The following TAFA1 variants were observed in gnomAD, a reference collection of about 807,000 sequenced individuals.
TAFA1 encodes the protein chemokine-like protein TAFA-1.
A neutral mutation model predicts 18.5 loss-of-function variants in TAFA1; 4 were observed. The observed-to-expected ratio is 0.22, with a 90% CI of 0.11 to 0.49. TAFA1 has a LOEUF of 0.49. Among genes scored for constraint, TAFA1 ranks in the 20% least tolerant of loss-of-function variants. The pLI, the probability that TAFA1 is intolerant of heterozygous loss-of-function variation, is 0.98. For synonymous variants in TAFA1, 56 were observed against 55.2 expected (o/e 1.01, Z -0.06); for missense variants, 147 against 169.0 (o/e 0.87, Z 0.72).
chr3:68,380,433 T>C (rs2069920434), intron 2 of TAFA1, among the ~76,000 whole-genome samples: 1 of 152,128 alleles, frequency 6.6e-6, no homozygotes, highest in Non-Finnish European at 1.5e-5. Context: ...GCACCTGTTG[T>C]TTCCTGACTT....
At chr3:68,478,584 A>G (rs1433112178) in intron 3 of TAFA1, among the ~76,000 whole-genome samples, 1 of 152,204 alleles carries the variant, frequency 6.6e-6, no homozygotes, top group Non-Finnish European at 1.5e-5. Context: ...TTTATTAGCT[A>G]TAAAATATGA....
intron 2 of TAFA1, among the ~76,000 whole-genome samples, chr3:68,408,126 T>G (rs1184463591): frequency 6.6e-6 from 1 of 152,158 alleles, no homozygotes; most frequent in African/African-American, 2.4e-5. Context: ...AATTTGCGAT[T>G]TTTCTTACAT....
chr3:68,046,336 A>T (rs1029198386), intron 2 of TAFA1, among the ~76,000 whole-genome samples: 2 of 152,212 alleles, frequency 1.3e-5, no homozygotes, highest in Admixed American at 1.3e-4. Flanking sequence ...CTTAAAGCAA[A>T]GACATAGTTA....
chr3:68,081,793 G>C (rs2064904483), intron 2 of TAFA1, among the ~76,000 whole-genome samples: 1 of 152,218 alleles, frequency 6.6e-6, no homozygotes, highest in Admixed American at 6.5e-5. Context: ...CCCTAGAGGT[G>C]GAGCCTACAG....
intron 2 of TAFA1, among the ~76,000 whole-genome samples, chr3:68,287,907 T>TGAGG (rs1649938157): frequency 1.9e-5 from 1 of 51,996 alleles, no homozygotes; most frequent in Non-Finnish European, 4.5e-5. Context: ...TTGTTTTTGT[T>TGAGG]GGGGGGTGGG....
chr3:68,269,106 G>T (rs1032377), intron 2 of TAFA1, among the ~76,000 whole-genome samples: 26,549 of 151,972 alleles, frequency 0.17, 2,807 homozygotes, highest in Admixed American at 0.31. Flanking sequence ...ACTGTTTGAG[G>T]CTAATTCTCC....
intron 2 of TAFA1, among the ~76,000 whole-genome samples, chr3:68,074,781 A>T (rs1210020305): frequency 1.3e-5 from 2 of 152,186 alleles, no homozygotes; most frequent in Admixed American, 1.3e-4. Flanking sequence ...TTTTCTTTGG[A>T]TAAATTGCTT....
At chr3:68,250,609 T>C (rs2067176925) in intron 2 of TAFA1, among the ~76,000 whole-genome samples, 2 of 152,134 alleles carry the variant, frequency 1.3e-5, no homozygotes, top group Non-Finnish European at 1.5e-5. Flanking sequence ...CTCAGTCAGC[T>C]AAGAGGTACC....
At chr3:68,241,539 A>C (rs1253771597) in intron 2 of TAFA1, among the ~76,000 whole-genome samples, 6 of 152,178 alleles carry the variant, frequency 3.9e-5, no homozygotes, top group African/African-American at 1.2e-4. Flanking sequence ...ACAGAACACA[A>C]ATCCTGAACT....
intron 3 of TAFA1, among the ~76,000 whole-genome samples, chr3:68,434,537 AT>A (rs1390664955): frequency 1.3e-5 from 2 of 152,000 alleles, no homozygotes; most frequent in African/African-American, 2.4e-5. Flanking sequence ...TTTTTCTTCC[AT>A]TTTGATACAA....
At chr3:68,067,765 T>C (rs544158630) in intron 2 of TAFA1, among the ~76,000 whole-genome samples, 1 of 152,244 alleles carries the variant, frequency 6.6e-6, no homozygotes, top group African/African-American at 2.4e-5. Context: ...CTTTCTTCCC[T>C]CTTTCCTTCA....
At chr3:68,339,818 G>C (rs1057154316) in intron 2 of TAFA1, among the ~76,000 whole-genome samples, 3 of 152,276 alleles carry the variant, frequency 2.0e-5, no homozygotes, top group Non-Finnish European at 4.4e-5. Context: ...CTCTAAAAGA[G>C]AGGGGTGGAG....
chr3:68,370,393 CACAT>C (rs1244813402), intron 2 of TAFA1, among the ~76,000 whole-genome samples: 59 of 89,478 alleles, frequency 6.6e-4, no homozygotes, highest in Non-Finnish European at 1.1e-3. Flanking sequence ...TATATATACA[CACAT>C]ATATATACAC....
At chr3:68,029,962 C>A (rs1364465391) in intron 2 of TAFA1, among the ~76,000 whole-genome samples, 2 of 152,076 alleles carry the variant, frequency 1.3e-5, no homozygotes, top group South Asian at 4.1e-4. Context: ...GGGTAAGAAG[C>A]CTGCTTAGTC....
intron 2 of TAFA1, among the ~76,000 whole-genome samples, chr3:68,089,082 T>A (rs952192944): frequency 1.3e-5 from 2 of 152,032 alleles, no homozygotes; most frequent in African/African-American, 2.4e-5. Flanking sequence ...AATATTTTGG[T>A]TTTGCACGTG....
intron 2 of TAFA1, among the ~76,000 whole-genome samples, chr3:68,369,396 A>C (rs567987906): frequency 6.6e-6 from 1 of 152,356 alleles, no homozygotes; most frequent in South Asian, 2.1e-4. Flanking sequence ...TGAAGTTTAA[A>C]AAATTTACTA....
intron 2 of TAFA1, among the ~76,000 whole-genome samples, chr3:68,064,191 C>T (rs1369668255): frequency 2.0e-5 from 3 of 152,148 alleles, no homozygotes; most frequent in East Asian, 1.9e-4. Flanking sequence ...GAAAGGAAGA[C>T]GGCCAACGTG....
chr3:68,039,502 T>C (rs919018309), intron 2 of TAFA1, among the ~76,000 whole-genome samples: 6 of 152,204 alleles, frequency 3.9e-5, no homozygotes, highest in African/African-American at 1.4e-4. Flanking sequence ...TGTACATGTG[T>C]GTATTTTATA....
rs190235681 is a variant in TAFA1, at chr3:68,284,071, A to T, written c.119-133209A>T. The stretch of plus-strand genomic sequence containing the variant: ...GGCTTTTGATATTGAATCTGTGTAG[A>T]TACCCACCTTGGCCAAGTTATTTTG... On this transcript the variant is annotated intron_variant, in intron 2 of 4. Coordinates refer to ENST00000478136, the MANE Select transcript of TAFA1 (RefSeq NM_213609.4). Among the ~76,000 whole-genome samples, 596 of 152,300 alleles carry T rather than the reference A, an allele frequency of 3.9e-3. 7 individuals are homozygous for T. Among genetic ancestry groups the T allele is most frequent in the Non-Finnish European group, 3.2e-3 (217 of 68,016 alleles).
Sources: allele counts gnomAD v4.1 joint callset (sites outside exome capture counted in the v4.1 genomes callset), GRCh38; gene constraint gnomAD v4.1.1; transcripts MANE v1.5; gene names NCBI Gene and HGNC (gene_info 2026-07-23, HGNC 2026-07-21).